MAPKAP1: variants seen among roughly 807,000 people sequenced by gnomAD.
MAPKAP1 encodes target of rapamycin complex 2 subunit MAPKAP1.
In MAPKAP1, 20 loss-of-function variants were observed where a neutral mutation model predicts 65.7. That is an observed-to-expected ratio of 0.30 (90% CI 0.21 to 0.44). The LOEUF (loss-of-function observed/expected upper bound fraction) is 0.44. MAPKAP1 is among the 20% of genes least tolerant of loss of function. MAPKAP1 has a pLI of 1.00. For synonymous variants in MAPKAP1, 222 were observed against 244.3 expected (o/e 0.91, Z 0.85); for missense variants, 423 against 648.0 (o/e 0.65, Z 3.77).
chr9:125,490,266 G>A (rs1003040666), intron 8 of MAPKAP1, among the ~76,000 whole-genome samples: 9 of 152,286 alleles, frequency 5.9e-5, no homozygotes, highest in South Asian at 2.1e-4. Context: ...TTGGCTGGGC[G>A]CAGTAGCTCA....
chr9:125,525,812 C>G (rs1459197104), intron 7 of MAPKAP1, among the ~76,000 whole-genome samples: 1 of 151,882 alleles, frequency 6.6e-6, no homozygotes, highest in Non-Finnish European at 1.5e-5. Flanking sequence ...AACCAGAAGA[C>G]TATGATCTGG....
At chr9:125,683,910 T>C (rs763123880) in intron 1 of MAPKAP1, among the ~76,000 whole-genome samples, 17 of 152,224 alleles carry the variant, frequency 1.1e-4, no homozygotes, top group Non-Finnish European at 2.5e-4. Flanking sequence ...CTTCCAGGAC[T>C]GCACTGAATA....
intron 6 of MAPKAP1, among the ~76,000 whole-genome samples, chr9:125,544,766 T>C (rs898419448): frequency 2.0e-5 from 3 of 152,214 alleles, no homozygotes; most frequent in African/African-American, 4.8e-5. Context: ...GAACTTCATA[T>C]TGACGAGAAA....
chr9:125,486,812 C>A (rs1033710878), intron 8 of MAPKAP1, among the ~76,000 whole-genome samples: 8 of 152,074 alleles, frequency 5.3e-5, no homozygotes, highest in African/African-American at 1.9e-4. Flanking sequence ...ATCTCATTCT[C>A]TCCCGGCCCC....
rs1471196805 is a variant in MAPKAP1 at position 125,621,596 on chromosome 9, C to T, written c.499-35869G>A. Reference sequence around the variant, plus strand: ...CTCTTTTCAAGGATGTTTCAATCAACTGAACCAAAAATAACAATAAAGTCA... The same window carrying T: ...CTCTTTTCAAGGATGTTTCAATCAATTGAACCAAAAATAACAATAAAGTCA... On this transcript the variant is annotated intron_variant, in intron 4 of 11. Transcript: ENST00000265960. Among the ~76,000 whole-genome samples the T allele has an allele frequency of 2.0e-5, 3 of 152,180 alleles. No homozygotes were observed. In the East Asian group the frequency reaches 5.8e-4, roughly 29 times the overall value.
At chr9:125,441,575 G>T (rs1852485968) in intron 11 of MAPKAP1, among the ~76,000 whole-genome samples, 1 of 152,182 alleles carries the variant, frequency 6.6e-6, no homozygotes, top group Admixed American at 6.5e-5. Context: ...TTTGACATCA[G>T]ATTGTGGCTC....
intron 4 of MAPKAP1, among the ~76,000 whole-genome samples, chr9:125,621,265 C>T (rs1442631893): frequency 6.6e-6 from 1 of 151,416 alleles, no homozygotes; most frequent in African/African-American, 2.4e-5. Flanking sequence ...AAGCAAGACA[C>T]TTTCTCAAAA....
chr9:125,488,103 T>C lies in MAPKAP1; in HGVS notation c.1067-3520A>G, dbSNP rs551192585. Among the ~76,000 whole-genome samples the C allele has an allele frequency of 1.1e-4, 16 of 152,306 alleles. No individual in the cohort carries two copies. In the East Asian group the frequency reaches 2.9e-3, roughly 28 times the overall value. ...AGCTGGCTCAACACAGTAATGCTTC[T>C]TGCATTGACCTTCTACTCTCTGATA... On this transcript the variant is annotated intron_variant, in intron 8 of 11. Coordinates refer to ENST00000265960, the MANE Select transcript of MAPKAP1 (RefSeq NM_001006617.3).
rs1852389871 is a variant in MAPKAP1 at position 125,439,145 on chromosome 9, GT to G, written c.1444-134del. 12 of 957,818 alleles carry G rather than the reference GT, an allele frequency of 1.3e-5. No homozygotes were observed. Among genetic ancestry groups the G allele is most frequent in the Non-Finnish European group, 1.7e-5 (11 of 657,304 alleles). The allele number at this position is 957,818 out of a possible 1,614,324, so 59.3% of individuals were successfully genotyped here. A position where few individuals can be genotyped will look rare whatever the true frequency, so the allele number is the denominator to read the frequency against. On this transcript the variant is annotated intron_variant, in intron 11 of 11. Transcript: ENST00000265960. The surrounding 1 kb of genome is among the most constrained non-coding windows in gnomAD (Gnocchi z 4.0). Reference sequence around the variant, plus strand: ...GGCCAGGTGCTGTCGTGTGGAAGGAGTCCAGTCATCACAGCAACCTGGCAGC... The same window carrying G: ...GGCCAGGTGCTGTCGTGTGGAAGGAGCCAGTCATCACAGCAACCTGGCAGC...
At chr9:125,509,255 T>C (rs1829232015) in intron 7 of MAPKAP1, among the ~76,000 whole-genome samples, 2 of 143,666 alleles carry the variant, frequency 1.4e-5, no homozygotes, top group Admixed American at 1.4e-4. Context: ...TATATAAACA[T>C]TATGTATGAA....
intron 10 of MAPKAP1, among the ~76,000 whole-genome samples, chr9:125,458,483 T>C (rs1282364657): frequency 6.6e-6 from 1 of 151,994 alleles, no homozygotes; most frequent in Non-Finnish European, 1.5e-5. Context: ...CCTTAATCCA[T>C]TTAACCCTGA....
chr9:125,607,549 C>T (rs7020665), intron 4 of MAPKAP1, among the ~76,000 whole-genome samples: 4,045 of 152,286 alleles, frequency 0.027, 182 homozygotes, highest in African/African-American at 0.093. Context: ...GCTAGTGAAG[C>T]GAGGATGCTA....
At chr9:125,463,753 T>C (rs1853580059) in intron 10 of MAPKAP1, among the ~76,000 whole-genome samples, 1 of 152,246 alleles carries the variant, frequency 6.6e-6, no homozygotes, top group Non-Finnish European at 1.5e-5. Flanking sequence ...GTAATCAGGT[T>C]ACCTCTATTA....
intron 5 of MAPKAP1, among the ~76,000 whole-genome samples, chr9:125,561,912 C>T (rs1239624848): frequency 2.0e-5 from 3 of 152,188 alleles, no homozygotes; most frequent in African/African-American, 4.8e-5. Flanking sequence ...AGCAACAATG[C>T]ATCTGAGCAG....
intron 5 of MAPKAP1, among the ~76,000 whole-genome samples, chr9:125,579,277 C>A (rs146057701): frequency 1.3e-5 from 2 of 152,186 alleles, no homozygotes; most frequent in Non-Finnish European, 2.9e-5. Context: ...TTACAAGGCA[C>A]AGGAACAGGA....
chr9:125,583,942 A>T (rs2131576154), intron 5 of MAPKAP1, among the ~76,000 whole-genome samples: 1 of 152,308 alleles, frequency 6.6e-6, no homozygotes, highest in Middle Eastern at 3.4e-3. Flanking sequence ...AGGTGCCTGT[A>T]GTCCCAGCTA....
intron 9 of MAPKAP1, among the ~76,000 whole-genome samples, chr9:125,476,266 T>C (rs1435112359): frequency 6.6e-6 from 1 of 152,222 alleles, no homozygotes; most frequent in Non-Finnish European, 1.5e-5. Context: ...CATCAGTTCA[T>C]TAGTATAAGT....
At chr9:125,455,034 A>AT (rs971987715) in intron 10 of MAPKAP1, among the ~76,000 whole-genome samples, 6 of 151,460 alleles carry the variant, frequency 4.0e-5, no homozygotes, top group African/African-American at 1.5e-4. Flanking sequence ...TTTAATAATA[A>AT]TTAAAAAAAA....
chr9:125,582,176 A>G lies in MAPKAP1; in HGVS notation c.671+3379T>C, dbSNP rs141290111. ...TTTTTTACTTTAATAATTGTATTTT[A>G]TATTTCCAGTACTGTACTTTTAATT... On this transcript the variant is annotated intron_variant, in intron 5 of 11. Coordinates refer to ENST00000265960, the MANE Select transcript of MAPKAP1 (RefSeq NM_001006617.3). Among the ~76,000 whole-genome samples the G allele has an allele frequency of 5.6e-3, 858 of 152,296 alleles. 2 individuals carry two copies. Among genetic ancestry groups the G allele is most frequent in the Middle Eastern group, 0.02 (6 of 294 alleles).
Sources: gnomAD v4.1 joint callset for allele counts (sites outside exome capture counted in the v4.1 genomes callset) on GRCh38, gnomAD v4.1.1 for gene constraint, Gnocchi (gnomAD v3.1) non-coding constraint, MANE v1.5 for transcripts, NCBI Gene and HGNC (gene_info 2026-07-23, HGNC 2026-07-21) for gene names.